Variants in DCDC1 observed in about 807,000 individuals in gnomAD.
DCDC1 encodes the protein doublecortin domain containing 1.
DCDC1 carries 200 observed loss-of-function variants against 178.3 expected under a neutral mutation model. The observed-to-expected ratio is 1.12, with a 90% CI of 1.00 to 1.26. The LOEUF (loss-of-function observed/expected upper bound fraction) is 1.26, where lower values mean the gene tolerates loss of function less well. Ranked by LOEUF, DCDC1 falls within the 50% of genes most tolerant of loss-of-function variation. The pLI is 0.00. For missense variants in DCDC1, 1,983 were observed against 1,749.2 expected (o/e 1.13, Z -2.38); for synonymous variants, 690 against 604.8 (o/e 1.14, Z -2.07).
At chr11:31,213,372 T>A (rs546701395) in intron 9 of DCDC1, among the ~76,000 whole-genome samples, 4 of 151,982 alleles carry the variant, frequency 2.6e-5, no homozygotes, top group South Asian at 4.2e-4. Context: ...TCAATTTGTT[T>A]AACATCTAAA....
chr11:31,337,269 A>C (rs1161999529), intron 1 of DCDC1, among the ~76,000 whole-genome samples: 1 of 152,198 alleles, frequency 6.6e-6, no homozygotes, highest in Non-Finnish European at 1.5e-5. Context: ...GAAGAATTCA[A>C]CTGTTTGTGT....
At chr11:31,368,969 C>G (rs1050059751) in intron 1 of DCDC1, among the ~76,000 whole-genome samples, 9 of 152,226 alleles carry the variant, frequency 5.9e-5, no homozygotes, top group African/African-American at 9.6e-5. Flanking sequence ...ACCACCACCA[C>G]CAGCAACAAT....
rs1225049765 is a variant in DCDC1 at position 30,911,400 on chromosome 11, T to C, written c.3674A>G (p.Asn1225Ser). The C allele has an allele frequency of 7.5e-6, 12 of 1,601,590 alleles. 1 individual carries two copies. The South Asian group carries it at 1.2e-4, about 17-fold the overall frequency. The change falls in exon 28 of 39, where the codon AAC becomes AGC. Residue 1225 changes from asparagine to serine, a missense_variant. By Grantham distance (46) the Asn-to-Ser change is conservative. Transcript: ENST00000684477. ...AGACACTGCCAGCACAAGGTCAGGGTTACTCACAAGGTGAAAGGTCCTTGG... is the reference window on the plus strand; with the variant it reads ...AGACACTGCCAGCACAAGGTCAGGGCTACTCACAAGGTGAAAGGTCCTTGG... ...EDSRTFHLVS[N>S]PDLVLAVSMT...
chr11:30,898,896 G>C (rs1944439670), intron 34 of DCDC1, among the ~76,000 whole-genome samples: 1 of 152,104 alleles, frequency 6.6e-6, no homozygotes, highest in African/African-American at 2.4e-5. Flanking sequence ...CAAGTCCATA[G>C]TACATTGTTT....
intron 4 of DCDC1, 59 bp downstream of exon 4, chr11:31,307,580 T>G: frequency 6.3e-7 from 1 of 1,582,720 alleles, no homozygotes; most frequent in East Asian, 2.2e-5. Context: ...TTATAAACTC[T>G]GCTCAAAGGA....
At chr11:31,015,740 T>G (rs1952452215) in intron 20 of DCDC1, among the ~76,000 whole-genome samples, 1 of 152,196 alleles carries the variant, frequency 6.6e-6, no homozygotes, top group Non-Finnish European at 1.5e-5. Context: ...AGAAATAGTT[T>G]TCTCTAATAA....
chr11:31,101,789 G>A (rs1441769965), intron 15 of DCDC1, among the ~76,000 whole-genome samples: 1 of 150,308 alleles, frequency 6.7e-6, no homozygotes, highest in Non-Finnish European at 1.5e-5. Flanking sequence ...TAAAAAAACT[G>A]TCACAGTCCA....
intron 20 of DCDC1, among the ~76,000 whole-genome samples, chr11:31,003,622 A>C (rs766096256): frequency 6.6e-6 from 1 of 152,244 alleles, no homozygotes; most frequent in Non-Finnish European, 1.5e-5. Context: ...AAAGATTTCT[A>C]GTCTAAGGCA....
intron 7 of DCDC1, among the ~76,000 whole-genome samples, chr11:31,272,805 C>T (rs536432462): frequency 6.6e-6 from 1 of 152,340 alleles, no homozygotes; most frequent in East Asian, 1.9e-4. Context: ...ATGTCTGAAG[C>T]ATTTCCAGAT....
chr11:31,367,652 G>A (rs956932911), intron 1 of DCDC1, among the ~76,000 whole-genome samples: 3 of 152,218 alleles, frequency 2.0e-5, no homozygotes, highest in Admixed American at 1.3e-4. Flanking sequence ...AGTTCAAATT[G>A]AGGTGTGTTC....
chr11:30,996,799 A>C (rs1218696392), intron 20 of DCDC1, among the ~76,000 whole-genome samples: 2 of 152,236 alleles, frequency 1.3e-5, no homozygotes, highest in Non-Finnish European at 2.9e-5. Context: ...AGAGCTTCAC[A>C]AAATGAACTA....
chr11:31,334,744 A>G, intron 2 of DCDC1, among the ~76,000 whole-genome samples: 1 of 152,178 alleles, frequency 6.6e-6, no homozygotes, highest in East Asian at 1.9e-4. Flanking sequence ...CAGAACAGCA[A>G]ATACTGCTGC....
rs1017020729 is a variant in DCDC1 at position 30,925,410 on chromosome 11, T to A, written c.2898-2A>T. The A allele has an allele frequency of 6.2e-7, 1 of 1,611,950 alleles. No individual in the cohort carries two copies. The highest frequency in any genetic ancestry group is 8.5e-7 in the Non-Finnish European group (1 of 1,178,532). On this transcript the variant is annotated splice_acceptor_variant, in intron 22 of 38. Coordinates refer to ENST00000684477, the MANE Select transcript of DCDC1 (RefSeq NM_001387274.1). LOFTEE classifies it high-confidence loss of function. ...GGTAAATTTAAAATCTCAGTGCACCTGTAATAAAAGACACAAAAATTGACC... is the reference window on the plus strand; with the variant it reads ...GGTAAATTTAAAATCTCAGTGCACCAGTAATAAAAGACACAAAAATTGACC...
intron 9 of DCDC1, among the ~76,000 whole-genome samples, chr11:31,213,387 G>C (rs1973080036): frequency 1.3e-5 from 2 of 151,676 alleles, no homozygotes; most frequent in Non-Finnish European, 1.5e-5. Flanking sequence ...TCTAAAGTAG[G>C]AGTATTAAAT....
intron 3 of DCDC1, among the ~76,000 whole-genome samples, chr11:31,326,948 A>C (rs1399069034): frequency 5.3e-5 from 8 of 152,208 alleles, no homozygotes; most frequent in African/African-American, 1.9e-4. Flanking sequence ...TTCACTTTCT[A>C]ACAGAGAAAA....
In DCDC1 at chr11:31,356,730, C is replaced by T. The variant is rs375279203; in HGVS notation, c.-125+12967G>A. Among the ~76,000 whole-genome samples, 124 of 150,236 alleles carry T rather than the reference C, an allele frequency of 8.3e-4. No individual in the cohort carries two copies. The East Asian group carries it at 0.014, about 17-fold the overall frequency. On this transcript the variant is annotated intron_variant, in intron 1 of 38. Transcript: ENST00000684477. ...AAAAAAGAGAGAAGAATCAAATAGA[C>T]GCAATAAAAAATGATAAAGGGGATA...
intron 15 of DCDC1, among the ~76,000 whole-genome samples, chr11:31,101,017 T>C (rs652639): frequency 2.6e-5 from 4 of 152,218 alleles, no homozygotes; most frequent in Non-Finnish European, 5.9e-5. Flanking sequence ...AAGTACACTA[T>C]TTAGATCCAT....
intron 7 of DCDC1, chr11:31,280,713 T>C (rs541226981): frequency 6.9e-6 from 4 of 579,124 alleles, no homozygotes; most frequent in Admixed American, 5.9e-5. Flanking sequence ...AAGTCTGCCC[T>C]TTCTGCCTTC....
At chr11:31,144,068 A>C (rs1304099290) in intron 9 of DCDC1, among the ~76,000 whole-genome samples, 1 of 152,228 alleles carries the variant, frequency 6.6e-6, no homozygotes, top group African/African-American at 2.4e-5. Flanking sequence ...AATTTGTCTA[A>C]AAGGACAAAA....
Sources: gnomAD v4.1 joint callset for allele counts (sites outside exome capture counted in the v4.1 genomes callset) on GRCh38, gnomAD v4.1.1 for gene constraint, MANE v1.5 for transcripts, NCBI Gene and HGNC (gene_info 2026-07-23, HGNC 2026-07-21) for gene names.